NDUFS6: variants seen among roughly 807,000 people sequenced by gnomAD.
NDUFS6 encodes the protein NADH dehydrogenase [ubiquinone] iron-sulfur protein 6, mitochondrial.
In NDUFS6, 14 loss-of-function variants were observed where a neutral mutation model predicts 13.2. That is an observed-to-expected ratio of 1.06 (90% CI 0.70 to 1.66). The LOEUF is 1.66. Among genes scored for constraint, NDUFS6 ranks in the 40% most tolerant of loss-of-function variants. NDUFS6 has a pLI of 0.00. For missense variants in NDUFS6, 206 were observed against 170.8 expected (o/e 1.21, Z -1.15); for synonymous variants, 95 against 72.3 (o/e 1.31, Z -1.60).
intron 3 of NDUFS6, among the ~76,000 whole-genome samples, chr5:1,815,229 G>T (rs1734289612): frequency 6.6e-6 from 1 of 152,118 alleles, no homozygotes; most frequent in African/African-American, 2.4e-5. Context: ...GTGGGAGGGA[G>T]GCTGCCACAG....
intron 2 of NDUFS6, among the ~76,000 whole-genome samples, chr5:1,808,212 C>A (rs1019433336): frequency 5.9e-5 from 9 of 152,154 alleles, no homozygotes; most frequent in African/African-American, 2.2e-4. Context: ...CTTGAAGCAA[C>A]CTGGGCGTCC....
rs1280611292 is a variant in NDUFS6 at position 1,815,901 on chromosome 5, ACAG to A, written c.363_365del (p.Gln121del). 7 of 1,614,252 alleles carry A rather than the reference ACAG, an allele frequency of 4.3e-6. No individual in the cohort carries two copies. The South Asian group carries it at 7.7e-5, about 18-fold the overall frequency. The stretch of plus-strand genomic sequence containing the variant: ...GCGGTTACTGTGGGCTCCAGTTCAG[ACAG>A]CACCACCACTAGAGCGTGTGGCACG... On this transcript the variant is annotated inframe_deletion, in exon 4 of 4. Coordinates refer to ENST00000274137, the MANE Select transcript of NDUFS6 (RefSeq NM_004553.6).
chr5:1,805,442 G>A (rs907943080), intron 2 of NDUFS6, among the ~76,000 whole-genome samples: 1 of 152,268 alleles, frequency 6.6e-6, no homozygotes, highest in Admixed American at 6.5e-5. Context: ...AAGTATCTTT[G>A]TGTGGCTCCT....
chr5:1,812,818 C>T (rs1014981043), intron 2 of NDUFS6, among the ~76,000 whole-genome samples: 46 of 151,514 alleles, frequency 3.0e-4, no homozygotes, highest in South Asian at 2.1e-4. Flanking sequence ...TTTGGGAGGC[C>T]GAGGCGGGCG....
At position 1,801,522 on chromosome 5, in the gene NDUFS6, C is replaced by A. The variant is rs766985908; in HGVS notation, c.105C>A (p.Thr35=). ...ARCFGVRVSP[T]GEKVTHTGQV... is the part of the protein sequence containing the mutation. ...GTTTCGGGGTGCGGGTCTCGCCGAC[C>A]GGGGAGAAGGTCACGCACACTGGCC... The change falls in exon 1 of 4, where the codon ACC becomes ACA. Residue 35 remains threonine, a synonymous_variant. Transcript: ENST00000274137. 1 of 1,595,496 alleles carries A rather than the reference C, an allele frequency of 6.3e-7. No individual in the cohort carries two copies. Among genetic ancestry groups the A allele is most frequent in the East Asian group, 2.2e-5 (1 of 44,600 alleles).
rs1327950898 is a variant in NDUFS6, at chr5:1,806,077, A to AT, written c.186+3710dup. The stretch of plus-strand genomic sequence containing the variant: ...CCATGAGGGCAGGCTTCACTTTTAG[A>AT]TTTTTTTAAAATACTGAAGTTAAAC... On this transcript the variant is annotated intron_variant, in intron 2 of 3. Coordinates refer to ENST00000274137, the MANE Select transcript of NDUFS6 (RefSeq NM_004553.6). 5.9e-5 allele frequency among the ~76,000 whole-genome samples: 9 copies of AT among 152,324 alleles called. 1 individual carries two copies. Among genetic ancestry groups the AT allele is most frequent in the Admixed American group, 4.6e-4 (7 of 15,302 alleles).
Position 1,814,847 on chromosome 5 carries a change from C to A in NDUFS6, c.309+386C>A, listed in dbSNP as rs113262730. On this transcript the variant is annotated intron_variant, in intron 3 of 3. Coordinates refer to ENST00000274137, the MANE Select transcript of NDUFS6 (RefSeq NM_004553.6). The surrounding 1 kb of genome is among the most constrained non-coding windows in gnomAD (Gnocchi z 4.9). ...AGGCTGCAGCCCAAGACCACCGTGC[C>A]GCTCTGTGGGTTCCTCCTGGGGCCT... The A allele has an allele frequency of 1.6e-6, 1 of 615,824 alleles. No homozygotes were observed. The highest frequency in any genetic ancestry group is 2.9e-6 in the Non-Finnish European group (1 of 345,792). 38.1% of individuals were successfully genotyped at this position (615,824 alleles called of 1,614,324 possible).
At chr5:1,807,074 C>T (rs185515624) in intron 2 of NDUFS6, among the ~76,000 whole-genome samples, 4 of 152,206 alleles carry the variant, frequency 2.6e-5, no homozygotes, top group Admixed American at 6.5e-5. Flanking sequence ...TCCTCTAACA[C>T]GAGGGACCAG....
Position 1,814,160 on chromosome 5 carries a change from G to A in NDUFS6, c.187-179G>A, listed in dbSNP as rs1234244352. Among the ~76,000 whole-genome samples, 1 of 152,220 alleles carries A rather than the reference G, an allele frequency of 6.6e-6. No individual in the cohort carries two copies. Among genetic ancestry groups the A allele is most frequent in the African/African-American group, 2.4e-5 (1 of 41,452 alleles). On this transcript the variant is annotated intron_variant, in intron 2 of 3. Coordinates refer to ENST00000274137, the MANE Select transcript of NDUFS6 (RefSeq NM_004553.6). The surrounding 1 kb of genome is among the most constrained non-coding windows in gnomAD (Gnocchi z 4.9). ...TCTCCGCGTTTGGAACTTTATTCCA[G>A]TGAAAAGTAGATGTGTGTGTAGGCC...
rs755813068 is a variant in NDUFS6, at chr5:1,801,481, C to A, written c.64C>A (p.Pro22Thr). The change falls in exon 1 of 4, where the codon CCC becomes ACC. Residue 22 changes from proline (P) to threonine (T), a missense_variant. Pro to Thr is a conservative substitution (Grantham distance 38, BLOSUM62 -1). Transcript: ENST00000274137. ...GTGTGGCGAGGCGGCGCGGAGCCTG[C>A]CCCTGGGCGCCAGGTGTTTCGGGGT... is the stretch of plus-strand genomic sequence containing the variant. ...NRCGEAARSL[P>T]LGARCFGVRV... The A allele has an allele frequency of 6.2e-7, 1 of 1,602,964 alleles. No homozygotes were observed. The highest frequency in any genetic ancestry group is 8.5e-7 in the Non-Finnish European group (1 of 1,178,718).
intron 1 of NDUFS6, among the ~76,000 whole-genome samples, chr5:1,801,858 G>A (rs62336034): frequency 6.6e-6 from 1 of 152,240 alleles, no homozygotes; most frequent in Non-Finnish European, 1.5e-5. Context: ...GGGTCAGAAC[G>A]TTTAGAATTT....
Position 1,814,279 on chromosome 5 carries a change from A to G in NDUFS6, c.187-60A>G. 2 of 1,290,672 alleles carry G rather than the reference A, an allele frequency of 1.5e-6. No homozygotes were observed. Among genetic ancestry groups the G allele is most frequent in the Non-Finnish European group, 2.2e-6 (2 of 911,200 alleles). 80.0% of individuals were successfully genotyped at this position (1,290,672 alleles called of 1,614,324 possible). A position where few individuals can be genotyped will look rare whatever the true frequency, so the allele number is the denominator to read the frequency against. ...ACATGAATTTGTGTGTGGTGGGTTA[A>G]ATTGTATGTAGTTAGCAAGTTTGTG... On this transcript the variant is annotated intron_variant, in intron 2 of 3. Coordinates refer to ENST00000274137, the MANE Select transcript of NDUFS6 (RefSeq NM_004553.6). The surrounding 1 kb of genome is among the most constrained non-coding windows in gnomAD (Gnocchi z 4.9).
intron 2 of NDUFS6, among the ~76,000 whole-genome samples, chr5:1,811,355 TA>T (rs1211975713): frequency 1.3e-5 from 2 of 151,982 alleles, no homozygotes; most frequent in East Asian, 1.9e-4. Flanking sequence ...TACAGGGAAG[TA>T]AAAAAAAAAC....
At chr5:1,811,451 G>A (rs1295955024) in intron 2 of NDUFS6, among the ~76,000 whole-genome samples, 1 of 152,202 alleles carries the variant, frequency 6.6e-6, no homozygotes, top group African/African-American at 2.4e-5. Context: ...TATCTAAGTG[G>A]TGTTAAATAT....
rs117807297 is a variant in NDUFS6 at position 1,808,684 on chromosome 5, C to T, written c.187-5655C>T. Among the ~76,000 whole-genome samples, 14 of 152,332 alleles carry T rather than the reference C, an allele frequency of 9.2e-5. No individual in the cohort carries two copies. The East Asian group carries it at 2.5e-3, about 27-fold the overall frequency. ...AAATTAGTCACTGGATTCCAACATTCTCAAAGCAAGTTTGAACATGTTGTA... is the reference window on the plus strand; with the variant it reads ...AAATTAGTCACTGGATTCCAACATTTTCAAAGCAAGTTTGAACATGTTGTA... On this transcript the variant is annotated intron_variant, in intron 2 of 3. Transcript: ENST00000274137.
chr5:1,812,824 G>C (rs1002682625), intron 2 of NDUFS6, among the ~76,000 whole-genome samples: 28 of 151,768 alleles, frequency 1.8e-4, no homozygotes, highest in Admixed American at 7.9e-4. Flanking sequence ...AGGCCGAGGC[G>C]GGCGGATCAC....
At chr5:1,805,906 C>T (rs917000833) in intron 2 of NDUFS6, among the ~76,000 whole-genome samples, 3 of 152,044 alleles carry the variant, frequency 2.0e-5, no homozygotes, top group African/African-American at 7.2e-5. Context: ...CGCTGATGGG[C>T]TTATGAGGGC....
At position 1,801,416 on chromosome 5, in the gene NDUFS6, A is replaced by AAATGGCGGCGGCGATGACCT. The variant is rs1267742200; in HGVS notation, c.-1_19dup. The AAATGGCGGCGGCGATGACCT allele has an allele frequency of 2.5e-6, 4 of 1,605,442 alleles. No homozygotes were observed. The African/African-American group carries it at 5.3e-5, about 21-fold the overall frequency. Reference sequence around the variant, plus strand: ...CGCCGGGTCAAAGGCCAGCGGCGCAAAATGGCGGCGGCGATGACCTTCTGC... The same window carrying AAATGGCGGCGGCGATGACCT: ...CGCCGGGTCAAAGGCCAGCGGCGCAAAATGGCGGCGGCGATGACCTAATGGCGGCGGCGATGACCTTCTGC... On this transcript the variant is annotated 5_prime_UTR_variant, in exon 1 of 4. It adds an upstream start codon to the 5' untranslated region. Coordinates refer to ENST00000274137, the MANE Select transcript of NDUFS6 (RefSeq NM_004553.6).
At position 1,815,970 on chromosome 5, in the gene NDUFS6, A is replaced by G; in HGVS notation, c.*54A>G. 1.3e-6 allele frequency: 2 copies of G among 1,591,408 alleles called. No homozygotes were observed. Among genetic ancestry groups the G allele is most frequent in the Non-Finnish European group, 1.7e-6 (2 of 1,159,184 alleles). Reference sequence around the variant, plus strand: ...CATCCTGTGAGCATTTCCGCGGGGAAGCTGAGCACGTGAAGCTCGCTGGTT... The same window carrying G: ...CATCCTGTGAGCATTTCCGCGGGGAGGCTGAGCACGTGAAGCTCGCTGGTT... On this transcript the variant is annotated 3_prime_UTR_variant, in exon 4 of 4. Coordinates refer to ENST00000274137, the MANE Select transcript of NDUFS6 (RefSeq NM_004553.6).
Sources: gnomAD v4.1 joint callset for allele counts (sites outside exome capture counted in the v4.1 genomes callset) on GRCh38, gnomAD v4.1.1 for gene constraint, Gnocchi (gnomAD v3.1) non-coding constraint, MANE v1.5 for transcripts, NCBI Gene and HGNC (gene_info 2026-07-23, HGNC 2026-07-21) for gene names.